Variants in GNG2 observed in about 807,000 individuals in gnomAD.
GNG2 encodes G protein subunit gamma 2, also known as guanine nucleotide-binding protein G(I)/G(S)/G(O) subunit gamma-2.
A neutral mutation model predicts 5.5 loss-of-function variants in GNG2; 5 were observed. The observed-to-expected ratio is 0.91, with a 90% CI of 0.48 to 1.92. The LOEUF (loss-of-function observed/expected upper bound fraction) is 1.92. GNG2 is among the 30% of genes most tolerant of loss of function. The probability of loss-of-function intolerance (pLI) is 0.01; values close to 1 mark genes in which losing one functional copy is unlikely to be tolerated. For synonymous variants in GNG2, 28 were observed against 32.0 expected, an observed-to-expected ratio of 0.88 and a Z score of 0.42; for missense variants, 55 against 88.4, an observed-to-expected ratio of 0.62 and a Z score of 1.52.
At position 51,932,592 on chromosome 14, in the gene GNG2, C is replaced by T. The variant is rs575129753; in HGVS notation, c.-29-18058C>T. Reference sequence around the variant, plus strand: ...TTAGCCATAATTGTACCACTGCACTCCAGCCTGGGGGACAGAGGGAGACTC... The same window carrying T: ...TTAGCCATAATTGTACCACTGCACTTCAGCCTGGGGGACAGAGGGAGACTC... On this transcript the variant is annotated intron_variant, in intron 2 of 3. Coordinates refer to ENST00000556766, the MANE Select transcript of GNG2 (RefSeq NM_053064.5). 2.0e-5 allele frequency among the ~76,000 whole-genome samples: 3 copies of T among 152,072 alleles called. No homozygotes were observed. In the South Asian group the frequency reaches 6.3e-4, roughly 32 times the overall value.
chr14:51,879,194 G>A (rs1295346750), intron 2 of GNG2, among the ~76,000 whole-genome samples: 2 of 152,212 alleles, frequency 1.3e-5, no homozygotes, highest in African/African-American at 4.8e-5. Flanking sequence ...AGTGGTTTCA[G>A]TTATGCTCAG....
chr14:51,887,645 C>T (rs1884558261), intron 2 of GNG2, among the ~76,000 whole-genome samples: 1 of 152,138 alleles, frequency 6.6e-6, no homozygotes, highest in African/African-American at 2.4e-5. Context: ...CAGTGAGAGG[C>T]AGTGTGGTGT....
intron 2 of GNG2, among the ~76,000 whole-genome samples, chr14:51,853,713 CT>C (rs1882017817): frequency 6.6e-6 from 1 of 152,156 alleles, no homozygotes. Context: ...TTCAAAATGA[CT>C]TACATGTGTG....
At chr14:51,928,991 T>A (rs1269127881) in intron 2 of GNG2, among the ~76,000 whole-genome samples, 3 of 152,266 alleles carry the variant, frequency 2.0e-5, no homozygotes, top group Admixed American at 2.0e-4. Context: ...TAAGCATTTT[T>A]AAAGACTTTT....
At chr14:51,914,056 T>C (rs1886455900) in intron 2 of GNG2, 1 of 572,488 alleles carries the variant, frequency 1.7e-6, no homozygotes, top group Non-Finnish European at 3.1e-6. Context: ...CTGTATCCAA[T>C]ATAAAGTTCA....
chr14:51,937,596 T>A (rs1888084358), intron 2 of GNG2, among the ~76,000 whole-genome samples: 1 of 150,554 alleles, frequency 6.6e-6, no homozygotes. Flanking sequence ...AAAATGGCTA[T>A]GTATTTCTTT....
At chr14:51,887,266 C>G (rs889351015) in intron 2 of GNG2, among the ~76,000 whole-genome samples, 2 of 152,148 alleles carry the variant, frequency 1.3e-5, no homozygotes, top group Non-Finnish European at 2.9e-5. Context: ...AGATAGCCAC[C>G]TTCTTGGGCC....
Position 51,960,942 on chromosome 14 carries a change from C to T in GNG2, c.88-5617C>T, listed in dbSNP as rs140983990. Reference sequence around the variant, plus strand: ...GTGCCAATCAGTATTCAGCCAAAGGCTCAAGATGAATCCTCCAGAGGCCTT... The same window carrying T: ...GTGCCAATCAGTATTCAGCCAAAGGTTCAAGATGAATCCTCCAGAGGCCTT... On this transcript the variant is annotated intron_variant, in intron 3 of 3. Transcript: ENST00000556766. Among the ~76,000 whole-genome samples, 128 of 152,264 alleles carry T rather than the reference C, an allele frequency of 8.4e-4. 1 individual carries two copies. Among genetic ancestry groups the T allele is most frequent in the African/African-American group, 2.9e-3 (122 of 41,568 alleles).
chr14:51,931,709 G>A (rs534976861), intron 2 of GNG2, among the ~76,000 whole-genome samples: 95 of 152,282 alleles, frequency 6.2e-4, no homozygotes, highest in Middle Eastern at 6.8e-3. Context: ...TATTGGTGAG[G>A]ATGTAGATAA....
At chr14:51,865,421 A>G (rs1882810648) in intron 1 of GNG2, among the ~76,000 whole-genome samples, 1 of 152,182 alleles carries the variant, frequency 6.6e-6, no homozygotes, top group Non-Finnish European at 1.5e-5. Context: ...GTACCCCATA[A>G]ATATACACAA....
intron 2 of GNG2, among the ~76,000 whole-genome samples, chr14:51,936,334 T>C (rs1156686477): frequency 6.6e-6 from 1 of 152,180 alleles, no homozygotes; most frequent in Non-Finnish European, 1.5e-5. Flanking sequence ...TTTCCTTTCT[T>C]GGAAGTGCTC....
At chr14:51,930,012 G>T (rs926183243) in intron 2 of GNG2, among the ~76,000 whole-genome samples, 3 of 152,172 alleles carry the variant, frequency 2.0e-5, no homozygotes, top group Non-Finnish European at 4.4e-5. Context: ...ATGTTTCTAT[G>T]CAGAGTACCA....
chr14:51,918,402 A>G (rs1886786227), intron 2 of GNG2: 1 of 152,106 alleles, frequency 6.6e-6, no homozygotes, highest in African/African-American at 2.4e-5. Flanking sequence ...GAAAAAAAAA[A>G]AGCAGATTTT....
In GNG2 at chr14:51,966,589, T is replaced by C; in HGVS notation, c.118T>C (p.Tyr40His). The C allele has an allele frequency of 6.2e-7, 1 of 1,613,482 alleles. No individual in the cohort carries two copies. The highest frequency in any genetic ancestry group is 8.5e-7 in the Non-Finnish European group (1 of 1,179,428). Residue 40 changes from tyrosine to histidine, a missense_variant, in exon 4 of 4, where the codon TAC (tyrosine) becomes CAC (histidine). Tyr to His is a moderately conservative substitution (Grantham distance 83). Coordinates refer to ENST00000556766, the MANE Select transcript of GNG2 (RefSeq NM_053064.5). ...CAAGGCAGCTGCAGATTTGATGGCCTACTGTGAAGCACATGCCAAGGAAGA... is the reference window on the plus strand; with the variant it reads ...CAAGGCAGCTGCAGATTTGATGGCCCACTGTGAAGCACATGCCAAGGAAGA... ...VSKAAADLMA[Y>H]CEAHAKEDPL...
At chr14:51,882,499 C>G (rs375385294) in intron 2 of GNG2, among the ~76,000 whole-genome samples, 23 of 152,186 alleles carry the variant, frequency 1.5e-4, no homozygotes, top group African/African-American at 5.1e-4. Flanking sequence ...ATTAGGAAAC[C>G]CTTGAAGGGT....
intron 2 of GNG2, among the ~76,000 whole-genome samples, chr14:51,936,736 G>T (rs1888031892): frequency 6.6e-6 from 1 of 151,854 alleles, no homozygotes; most frequent in East Asian, 1.9e-4. Flanking sequence ...GTAGAGACAG[G>T]TTGGTCTTTT....
intron 2 of GNG2, among the ~76,000 whole-genome samples, chr14:51,934,574 G>C (rs141399466): frequency 5.3e-5 from 8 of 152,160 alleles, no homozygotes; most frequent in African/African-American, 1.9e-4. Context: ...AGGCCCGGGG[G>C]GAAATGACTC....
At chr14:51,872,304 A>G (rs1883356005) in intron 1 of GNG2, among the ~76,000 whole-genome samples, 1 of 136,688 alleles carries the variant, frequency 7.3e-6, no homozygotes, top group South Asian at 2.4e-4. Context: ...ATTTTAAATG[A>G]CTATTTTGTG....
chr14:51,920,228 GT>G (rs771628623), intron 2 of GNG2, among the ~76,000 whole-genome samples: 7 of 152,084 alleles, frequency 4.6e-5, no homozygotes, highest in Non-Finnish European at 1.0e-4. Flanking sequence ...TCAGATTTTG[GT>G]ATCCACAGGG....
Sources: gnomAD v4.1 joint callset for allele counts (sites outside exome capture counted in the v4.1 genomes callset) on GRCh38, gnomAD v4.1.1 for gene constraint, MANE v1.5 for transcripts, NCBI Gene and HGNC (gene_info 2026-07-23, HGNC 2026-07-21) for gene names.